Variants in CD247 observed in about 807,000 individuals in gnomAD.
CD247 encodes the protein T-cell surface glycoprotein CD3 zeta chain.
A neutral mutation model predicts 30.0 loss-of-function variants in CD247; 13 were observed. That is an observed-to-expected ratio of 0.43 (90% CI 0.28 to 0.69). CD247 has a LOEUF of 0.69. Among genes scored for constraint, CD247 ranks in the 30% least tolerant of loss-of-function variants. The pLI is 0.16. For missense variants in CD247, 193 were observed against 212.6 expected, an observed-to-expected ratio of 0.91 and a Z score of 0.57; for synonymous variants, 72 against 80.0, an observed-to-expected ratio of 0.90 and a Z score of 0.53.
At chr1:167,500,811 A>T (rs1375830044) in intron 1 of CD247, among the ~76,000 whole-genome samples, 5 of 152,306 alleles carry the variant, frequency 3.3e-5, no homozygotes, top group African/African-American at 1.2e-4. Flanking sequence ...GGCCTTGAGG[A>T]TACCCCCCAA....
chr1:167,447,332 A>T (rs1652131933), intron 1 of CD247, among the ~76,000 whole-genome samples: 1 of 152,176 alleles, frequency 6.6e-6, no homozygotes, highest in Non-Finnish European at 1.5e-5. Flanking sequence ...GGTTCCTGTC[A>T]TATAGAGAGC....
At chr1:167,440,448 CA>C (rs1332750796) in intron 2 of CD247, 1 of 611,036 alleles carries the variant, frequency 1.6e-6, no homozygotes, top group Non-Finnish European at 2.9e-6. Flanking sequence ...AGGTGCCTAG[CA>C]CCAGGCTCTC....
intron 1 of CD247, among the ~76,000 whole-genome samples, chr1:167,490,972 T>TA (rs982048732): frequency 3.3e-5 from 5 of 151,610 alleles, no homozygotes; most frequent in African/African-American, 1.2e-4. Flanking sequence ...TAATAATAAA[T>TA]AAAAAGAAAT....
intron 1 of CD247, chr1:167,448,542 C>T: frequency 1.0e-6 from 1 of 985,418 alleles, no homozygotes; most frequent in Non-Finnish European, 1.2e-6. Context: ...CCAGGACTCA[C>T]ACTGCCCAGT....
At chr1:167,461,035 C>T (rs1045473404) in intron 1 of CD247, among the ~76,000 whole-genome samples, 1 of 152,222 alleles carries the variant, frequency 6.6e-6, no homozygotes, top group African/African-American at 2.4e-5. Context: ...ACGTACTTTG[C>T]GTGGATCAAA....
chr1:167,455,573 G>C (rs1428673093), intron 1 of CD247, among the ~76,000 whole-genome samples: 2 of 152,150 alleles, frequency 1.3e-5, no homozygotes, highest in African/African-American at 4.8e-5. Flanking sequence ...CCGGCCCCCA[G>C]CTGGCTCCTC....
chr1:167,475,995 TA>T lies in CD247; in HGVS notation c.59-35229del, dbSNP rs34727992. On this transcript the variant is annotated intron_variant, in intron 1 of 7. Transcript: ENST00000362089. ...GGAGGGATAATGGTAGTATAGTATA[TA>T]TTTTTTTTCTTTAAAGGGTGCTTAT... Among the ~76,000 whole-genome samples, 669 of 152,310 alleles carry T rather than the reference TA, an allele frequency of 4.4e-3. 8 individuals are homozygous for T. Among genetic ancestry groups the T allele is most frequent in the African/African-American group, 0.015 (630 of 41,556 alleles).
intron 1 of CD247, among the ~76,000 whole-genome samples, chr1:167,447,660 T>C (rs1652151460): frequency 6.6e-6 from 1 of 152,052 alleles, no homozygotes; most frequent in Non-Finnish European, 1.5e-5. Context: ...GTGTAATCAC[T>C]GAGTAATCAC....
chr1:167,518,466 C>T lies in CD247; in HGVS notation c.-1G>A. ...CGGTGAAAAGCGCCTTCCACTTCAT[C>T]TTGTCCTTTCCCTCAGAAAGAGGCT... On this transcript the variant is annotated 5_prime_UTR_variant, in exon 1 of 8. Transcript: ENST00000362089. 6.2e-7 allele frequency: 1 copy of T among 1,614,066 alleles called. No homozygotes were observed.
chr1:167,518,291 AG>A, intron 1 of CD247, 116 bp downstream of exon 1: 1 of 914,076 alleles, frequency 1.1e-6, no homozygotes. Flanking sequence ...TGATTTGAGG[AG>A]GGCAGGATTT....
intron 1 of CD247, among the ~76,000 whole-genome samples, chr1:167,501,810 T>C (rs1232198149): frequency 1.3e-5 from 2 of 152,118 alleles, no homozygotes; most frequent in Non-Finnish European, 2.9e-5. Context: ...CTTCTCAGGG[T>C]CCGTATGCCA....
chr1:167,513,911 T>C (rs900282458), intron 1 of CD247, among the ~76,000 whole-genome samples: 10 of 152,224 alleles, frequency 6.6e-5, no homozygotes, highest in African/African-American at 2.4e-4. Context: ...CAAATAATTC[T>C]AATCACTCAA....
intron 1 of CD247, among the ~76,000 whole-genome samples, chr1:167,492,921 T>C (rs2102081799): frequency 6.6e-6 from 1 of 152,284 alleles, no homozygotes; most frequent in South Asian, 2.1e-4. Context: ...GCTGAGTATT[T>C]TGGGGCTGTA....
chr1:167,474,898 G>A (rs1346246414), intron 1 of CD247, among the ~76,000 whole-genome samples: 2 of 151,446 alleles, frequency 1.3e-5, no homozygotes, highest in South Asian at 2.1e-4. Context: ...GATTACAGGC[G>A]CCCACCACCA....
At chr1:167,461,897 G>T (rs911432047) in intron 1 of CD247, among the ~76,000 whole-genome samples, 13 of 152,092 alleles carry the variant, frequency 8.5e-5, no homozygotes, top group African/African-American at 2.9e-4. Context: ...CCTCCCTTTT[G>T]TGTCCCCCAC....
At chr1:167,500,854 C>T (rs757736563) in intron 1 of CD247, among the ~76,000 whole-genome samples, 1 of 152,126 alleles carries the variant, frequency 6.6e-6, no homozygotes, top group African/African-American at 2.4e-5. Flanking sequence ...TAAGCTCAGC[C>T]CCTGTACCAT....
At chr1:167,447,275 T>C (rs1282744418) in intron 1 of CD247, among the ~76,000 whole-genome samples, 1 of 152,148 alleles carries the variant, frequency 6.6e-6, no homozygotes, top group Non-Finnish European at 1.5e-5. Flanking sequence ...TCTGAGTGCA[T>C]CTGATGCAAA....
At chr1:167,475,543 A>G (rs1408423845) in intron 1 of CD247, among the ~76,000 whole-genome samples, 1 of 152,246 alleles carries the variant, frequency 6.6e-6, no homozygotes, top group Admixed American at 6.5e-5. Context: ...GGCAATGATT[A>G]TCAGTGGCTT....
At chr1:167,474,326 C>A (rs978193895) in intron 1 of CD247, among the ~76,000 whole-genome samples, 1 of 151,960 alleles carries the variant, frequency 6.6e-6, no homozygotes, top group Non-Finnish European at 1.5e-5. Flanking sequence ...GCACAGTCAA[C>A]GCATCACTGA....
Sources: gnomAD v4.1 joint callset for allele counts (sites outside exome capture counted in the v4.1 genomes callset) on GRCh38, gnomAD v4.1.1 for gene constraint, MANE v1.5 for transcripts, NCBI Gene and HGNC (gene_info 2026-07-23, HGNC 2026-07-21) for gene names.